Variants in DNAH9 observed in about 807,000 individuals in gnomAD.
DNAH9 encodes the protein dynein axonemal heavy chain 9.
A neutral mutation model predicts 471.6 loss-of-function variants in DNAH9; 345 were observed. The ratio of observed to expected loss-of-function variants is 0.73; its 90% CI spans 0.67 to 0.80. The LOEUF (loss-of-function observed/expected upper bound fraction) is 0.80, where lower values mean the gene tolerates loss of function less well. Among genes scored for constraint, DNAH9 ranks in the 30% least tolerant of loss-of-function variants. The pLI, the probability that DNAH9 is intolerant of heterozygous loss-of-function variation, is 0.00. For missense variants in DNAH9, 5,407 were observed against 5,609.2 expected (o/e 0.96, Z 1.15); for synonymous variants, 2,093 against 2,123.6 (o/e 0.99, Z 0.40).
At position 11,709,073 on chromosome 17, in the gene DNAH9, C is replaced by T. The variant is rs560731730; in HGVS notation, c.5552+3888C>T. ...AAGATTTGTCTTTTCCCTGGGCCTT[C>T]GCAGTCGCCCAGGAATTGAAGATAA... is the stretch of plus-strand genomic sequence containing the variant. On this transcript the variant is annotated intron_variant, in intron 26 of 68. Transcript: ENST00000262442. 1.2e-4 allele frequency among the ~76,000 whole-genome samples: 19 copies of T among 152,296 alleles called. No individual in the cohort carries two copies. In the South Asian group the frequency reaches 3.3e-3, roughly 27 times the overall value.
In DNAH9 at chr17:11,781,087, T is replaced by C. The variant is rs779447925; in HGVS notation, c.7631T>C (p.Ile2544Thr). ...PPGNKKLIYF[I>T]DDMNMPEVDA... ...GGGAACAAGAAACTCATCTATTTCATTGATGACATGAACATGCCTGAGGTG... is the reference window on the plus strand; with the variant it reads ...GGGAACAAGAAACTCATCTATTTCACTGATGACATGAACATGCCTGAGGTG... The change falls in exon 39 of 69, where the codon ATT (isoleucine) becomes ACT (threonine). Residue 2544 changes from isoleucine (I) to threonine (T), a missense_variant. Coordinates refer to ENST00000262442, the MANE Select transcript of DNAH9 (RefSeq NM_001372.4). 97 of 1,614,074 alleles carry C rather than the reference T, an allele frequency of 6.0e-5. No individual in the cohort carries two copies. Among genetic ancestry groups the C allele is most frequent in the Middle Eastern group, 1.6e-4 (1 of 6,084 alleles).
intron 17 of DNAH9, among the ~76,000 whole-genome samples, chr17:11,677,732 G>C (rs549856183): frequency 6.6e-6 from 1 of 151,628 alleles, no homozygotes; most frequent in Non-Finnish European, 1.5e-5. Context: ...CTGCTTTGGG[G>C]TATAATTTTT....
At chr17:11,803,908 C>T (rs1037526011) in intron 43 of DNAH9, among the ~76,000 whole-genome samples, 1 of 152,208 alleles carries the variant, frequency 6.6e-6, no homozygotes, top group African/African-American at 2.4e-5. Context: ...GGTATCTTAG[C>T]ACCATGGCTT....
At chr17:11,879,974 A>G in intron 53 of DNAH9, 104 bp from the exon 54 acceptor site, 1 of 1,384,876 alleles carries the variant, frequency 7.2e-7, no homozygotes, top group Non-Finnish European at 9.9e-7. Flanking sequence ...CTGTGCCTCC[A>G]ACTATACCAC....
intron 61 of DNAH9, among the ~76,000 whole-genome samples, chr17:11,921,822 C>A (rs751726243): frequency 1.3e-5 from 2 of 152,168 alleles, no homozygotes; most frequent in African/African-American, 2.4e-5. Flanking sequence ...TGATCCCAGC[C>A]GGGCTCTGCA....
chr17:11,693,718 C>T, intron 20 of DNAH9, 150 bp from the exon 21 acceptor site: 3 of 847,904 alleles, frequency 3.5e-6, no homozygotes, highest in Non-Finnish European at 5.8e-6. Flanking sequence ...AAGCTGAATG[C>T]AGCTTAAACT....
chr17:11,660,120 A>G (rs565294422), intron 14 of DNAH9, among the ~76,000 whole-genome samples: 8 of 151,922 alleles, frequency 5.3e-5, no homozygotes, highest in Admixed American at 5.2e-4. Flanking sequence ...TATGTTTTTT[A>G]GTATTTCATT....
At chr17:11,831,126 T>C (rs574943461) in intron 48 of DNAH9, among the ~76,000 whole-genome samples, 1 of 152,290 alleles carries the variant, frequency 6.6e-6, no homozygotes, top group East Asian at 1.9e-4. Context: ...TCTCTAAGCT[T>C]CTGTTTTAGT....
At position 11,904,998 on chromosome 17, in the gene DNAH9, CT is replaced by C. The variant is rs556137619; in HGVS notation, c.11601-662del. 3.0e-3 allele frequency among the ~76,000 whole-genome samples: 462 copies of C among 152,124 alleles called. 3 individuals are homozygous for C. The highest frequency in any genetic ancestry group is 0.01 in the African/African-American group (432 of 41,502). On this transcript the variant is annotated intron_variant, in intron 60 of 68. Transcript: ENST00000262442. ...CCTGTAATCCCAACACTTTGGGAGG[CT>C]GAGGCGGGTGGATCACAAGGTCAGG...
chr17:11,794,033 G>T (rs1969153553), intron 42 of DNAH9, among the ~76,000 whole-genome samples: 1 of 135,456 alleles, frequency 7.4e-6, no homozygotes, highest in Non-Finnish European at 1.5e-5. Flanking sequence ...GAAATTTTGA[G>T]CAATTTTTTT....
chr17:11,736,436 C>G lies in DNAH9; in HGVS notation c.5815-2444C>G, dbSNP rs572517998. Among the ~76,000 whole-genome samples the G allele has an allele frequency of 1.1e-4, 17 of 152,280 alleles. No individual in the cohort carries two copies. The East Asian group carries it at 2.9e-3, about 26-fold the overall frequency. On this transcript the variant is annotated intron_variant, in intron 28 of 68. Coordinates refer to ENST00000262442, the MANE Select transcript of DNAH9 (RefSeq NM_001372.4). ...GTGTACTTCCGTCTGGCTGGGCTTG[C>G]ATTTAATCCATACATCCCTAGTTCA...
intron 48 of DNAH9, among the ~76,000 whole-genome samples, chr17:11,830,341 G>C (rs1396051749): frequency 6.6e-6 from 1 of 152,230 alleles, no homozygotes; most frequent in Non-Finnish European, 1.5e-5. Flanking sequence ...TTGTTGGATA[G>C]AAGAAATGTT....
intron 14 of DNAH9, among the ~76,000 whole-genome samples, chr17:11,656,434 G>T (rs1454040120): frequency 6.6e-6 from 1 of 151,960 alleles, no homozygotes. Context: ...TTGCTGATTT[G>T]CTATAACTAG....
intron 45 of DNAH9, among the ~76,000 whole-genome samples, chr17:11,812,819 G>T (rs1969973785): frequency 6.6e-6 from 1 of 152,018 alleles, no homozygotes; most frequent in South Asian, 2.1e-4. Context: ...ATCACCTTCT[G>T]CAATAGTGTT....
intron 28 of DNAH9, among the ~76,000 whole-genome samples, chr17:11,734,576 A>G: frequency 6.6e-6 from 1 of 152,206 alleles, no homozygotes; most frequent in East Asian, 1.9e-4. Flanking sequence ...AGTGCTCTGC[A>G]GGGGCAAAGC....
At chr17:11,599,188 G>A (rs2072332840) in intron 1 of DNAH9, among the ~76,000 whole-genome samples, 1 of 152,146 alleles carries the variant, frequency 6.6e-6, no homozygotes, top group African/African-American at 2.4e-5. Flanking sequence ...ATGAGAATGG[G>A]AAGGAGCTGA....
intron 56 of DNAH9, chr17:11,884,318 C>A (rs573079890): frequency 9.0e-6 from 2 of 222,104 alleles, no homozygotes; most frequent in Admixed American, 5.0e-5. Flanking sequence ...GGCCCTCGGT[C>A]CCCCCTGTGA....
In DNAH9 at chr17:11,881,425, A is replaced by C; in HGVS notation, c.10806+12A>C. ...TGGAGCAGCTGAAGGTGAGGACAGA[A>C]GGGAGAAAATGTTCTGCCACTAGAG... On this transcript the variant is annotated intron_variant, in intron 55 of 68. Transcript: ENST00000262442. 6.2e-7 allele frequency: 1 copy of C among 1,605,498 alleles called. No individual in the cohort carries two copies. Among genetic ancestry groups the C allele is most frequent in the Non-Finnish European group, 8.5e-7 (1 of 1,175,488 alleles).
intron 48 of DNAH9, among the ~76,000 whole-genome samples, chr17:11,828,713 A>G (rs754451077): frequency 3.3e-5 from 5 of 152,068 alleles, no homozygotes; most frequent in Admixed American, 6.6e-5. Context: ...ACATCTCTGT[A>G]TCTTTACATG....
Sources: allele counts gnomAD v4.1 joint callset (sites outside exome capture counted in the v4.1 genomes callset), GRCh38; gene constraint gnomAD v4.1.1; transcripts MANE v1.5; gene names NCBI Gene and HGNC (gene_info 2026-07-23, HGNC 2026-07-21).